Variants in SHTN1 observed in about 807,000 individuals in gnomAD.
The protein encoded by SHTN1 is shootin 1.
Under a neutral mutation model 83.1 loss-of-function variants are expected in SHTN1, and 42 were observed. The ratio of observed to expected loss-of-function variants is 0.51; its 90% CI spans 0.39 to 0.65. SHTN1 has a LOEUF of 0.65. SHTN1 is among the 30% of genes least tolerant of loss of function. The pLI is 0.00. For synonymous variants in SHTN1, 224 were observed against 247.7 expected (o/e 0.90, Z 0.90); for missense variants, 622 against 737.8 (o/e 0.84, Z 1.82).
At chr10:117,016,812 T>A (rs924884133) in intron 2 of SHTN1, among the ~76,000 whole-genome samples, 1 of 152,194 alleles carries the variant, frequency 6.6e-6, no homozygotes, top group Non-Finnish European at 1.5e-5. Context: ...TAGAGAGATA[T>A]CAGTATGAAC....
At chr10:116,929,237 C>G (rs185040521) in intron 10 of SHTN1, among the ~76,000 whole-genome samples, 3 of 152,270 alleles carry the variant, frequency 2.0e-5, no homozygotes, top group Admixed American at 6.5e-5. Flanking sequence ...CAGAGACTTA[C>G]ACATATGCCC....
chr10:117,024,901 C>T (rs1313912943), intron 2 of SHTN1, among the ~76,000 whole-genome samples: 1 of 152,128 alleles, frequency 6.6e-6, no homozygotes, highest in Non-Finnish European at 1.5e-5. Context: ...ATTCACTGTA[C>T]AATTCTTTCA....
intron 6 of SHTN1, among the ~76,000 whole-genome samples, chr10:116,949,881 A>G (rs1564892765): frequency 6.6e-6 from 1 of 152,214 alleles, no homozygotes; most frequent in Non-Finnish European, 1.5e-5. Flanking sequence ...AAAAAAGAAC[A>G]TAAAGTAAAG....
intron 1 of SHTN1, among the ~76,000 whole-genome samples, chr10:117,073,566 A>C (rs930789883): frequency 2.0e-5 from 3 of 152,160 alleles, no homozygotes; most frequent in African/African-American, 7.2e-5. Flanking sequence ...GAGGAGGATA[A>C]AAGCAGTGCC....
intron 1 of SHTN1, among the ~76,000 whole-genome samples, chr10:117,118,363 C>CAAAAAAAAAAAAAAAAAAAAAAA (rs57432703): frequency 1.7e-5 from 2 of 118,456 alleles, no homozygotes; most frequent in Non-Finnish European, 3.5e-5. Context: ...TAATCCATTT[C>CAAAAAAAAAAAAAAAAAAAAAAA]AAAAAAAAAA....
chr10:117,074,868 G>A (rs375730702), intron 1 of SHTN1, among the ~76,000 whole-genome samples: 55 of 152,008 alleles, frequency 3.6e-4, no homozygotes, highest in African/African-American at 1.1e-3. Context: ...TACTCTCTAC[G>A]GCTGAGAGTC....
chr10:116,966,837 T>C (rs1161870736), intron 3 of SHTN1, among the ~76,000 whole-genome samples: 1 of 152,206 alleles, frequency 6.6e-6, no homozygotes, highest in Non-Finnish European at 1.5e-5. Context: ...ACAATGCCAA[T>C]GGTATAACTC....
intron 2 of SHTN1, among the ~76,000 whole-genome samples, chr10:116,971,487 C>G (rs967683988): frequency 4.6e-5 from 7 of 152,100 alleles, no homozygotes; most frequent in Non-Finnish European, 8.8e-5. Context: ...CATCATAACC[C>G]TTAATGATAG....
intron 6 of SHTN1, among the ~76,000 whole-genome samples, chr10:116,950,925 GCTCA>G (rs1396633667): frequency 2.0e-5 from 3 of 152,164 alleles, no homozygotes; most frequent in South Asian, 2.1e-4. Flanking sequence ...GGATGAGGCT[GCTCA>G]CTGACAGGAT....
At chr10:116,965,941 G>A (rs1850374968) in intron 3 of SHTN1, among the ~76,000 whole-genome samples, 1 of 152,124 alleles carries the variant, frequency 6.6e-6, no homozygotes, top group African/African-American at 2.4e-5. Context: ...CAAAAGCCAT[G>A]AATTATTTAT....
At chr10:116,968,471 T>C (rs924901965) in intron 3 of SHTN1, among the ~76,000 whole-genome samples, 181 bp downstream of exon 3, 1 of 152,234 alleles carries the variant, frequency 6.6e-6, no homozygotes, top group Non-Finnish European at 1.5e-5. Context: ...GAAACAATGA[T>C]GTTTATTCCA....
chr10:117,007,940 G>A (rs1331908617), upstream of SHTN1, among the ~76,000 whole-genome samples: 4 of 151,498 alleles, frequency 2.6e-5, no homozygotes, highest in African/African-American at 9.7e-5. Flanking sequence ...CCCGAGAGGC[G>A]AAGGTTGCAG....
At chr10:116,974,078 T>G (rs529716716) in intron 2 of SHTN1, 1 of 1,072,770 alleles carries the variant, frequency 9.3e-7, no homozygotes, top group African/African-American at 1.6e-5. Flanking sequence ...CAATTCAAAG[T>G]TCTTTCCCTC....
chr10:117,080,974 C>A (rs1484492449), intron 1 of SHTN1, among the ~76,000 whole-genome samples: 1 of 151,140 alleles, frequency 6.6e-6, no homozygotes, highest in East Asian at 2.0e-4. Context: ...ATCATGTCAT[C>A]TGCAAACAGG....
At chr10:116,906,602 C>A (rs747882630) in intron 15 of SHTN1, 25 bp downstream of exon 15, 1 of 1,599,728 alleles carries the variant, frequency 6.3e-7, no homozygotes, top group South Asian at 1.1e-5. Flanking sequence ...AAGAGAAGGA[C>A]TGTGGAGAAT....
At chr10:117,023,002 G>T (rs1246143930) in intron 2 of SHTN1, among the ~76,000 whole-genome samples, 1 of 152,184 alleles carries the variant, frequency 6.6e-6, no homozygotes, top group East Asian at 1.9e-4. Flanking sequence ...ACTGACATCA[G>T]AAAGTTATGG....
intron 2 of SHTN1, among the ~76,000 whole-genome samples, chr10:117,011,182 A>C (rs7092635): frequency 0.023 from 3,478 of 152,342 alleles, 126 homozygotes; most frequent in African/African-American, 0.079. Flanking sequence ...TCTGTGAAAA[A>C]GCTACTAGAG....
intron 1 of SHTN1, among the ~76,000 whole-genome samples, chr10:117,115,942 C>T (rs1853839991): frequency 2.0e-5 from 3 of 152,068 alleles, no homozygotes; most frequent in Admixed American, 6.6e-5. Context: ...AATAGCTATA[C>T]AATCTTGGAC....
At chr10:117,037,832 C>G (rs560503382) in intron 2 of SHTN1, among the ~76,000 whole-genome samples, 11 of 151,558 alleles carry the variant, frequency 7.3e-5, no homozygotes, top group African/African-American at 2.7e-4. Context: ...ATGGTGAAAC[C>G]CCATCTCTAC....
Sources: gnomAD v4.1 joint callset for allele counts (sites outside exome capture counted in the v4.1 genomes callset) on GRCh38, gnomAD v4.1.1 for gene constraint, MANE v1.5 for transcripts, NCBI Gene and HGNC (gene_info 2026-07-23, HGNC 2026-07-21) for gene names.